Variants in KCNMB4 observed in about 807,000 individuals in gnomAD.
The protein encoded by KCNMB4 is calcium-activated potassium channel subunit beta-4.
Under a neutral mutation model 20.7 loss-of-function variants are expected in KCNMB4, and 3 were observed. The observed-to-expected ratio is 0.14, with a 90% CI of 0.07 to 0.37. KCNMB4 has a LOEUF of 0.37. Among genes scored for constraint, KCNMB4 ranks in the 10% least tolerant of loss-of-function variants. The pLI is 1.00. For synonymous variants in KCNMB4, 110 were observed against 113.4 expected (o/e 0.97, Z 0.19); for missense variants, 168 against 265.9 (o/e 0.63, Z 2.56).
In KCNMB4 at chr12:70,431,535, AAAC is replaced by A. The variant is rs944541414; in HGVS notation, c.*888_*890del. On this transcript the variant is annotated 3_prime_UTR_variant, in exon 3 of 3. Transcript: ENST00000258111. ...TTTTTTTTTTTTGTAGGTCAGAAAA[AAAC>A]AACAAAATCAGTTCAAGCATTTTTT... 6 of 151,824 alleles carry A rather than the reference AAAC, an allele frequency of 4.0e-5. No individual in the cohort carries two copies. The highest frequency in any genetic ancestry group is 1.2e-4 in the African/African-American group (5 of 41,326). 9.4% of individuals were successfully genotyped at this position (151,824 alleles called of 1,614,324 possible).
At chr12:70,413,780 C>T (rs917016081) in intron 2 of KCNMB4, among the ~76,000 whole-genome samples, 2 of 152,178 alleles carry the variant, frequency 1.3e-5, no homozygotes, top group Admixed American at 6.5e-5. Context: ...GAAACCCACT[C>T]CATTTTTAAA....
At chr12:70,385,152 T>TTTGTCACA (rs1386872854) in intron 1 of KCNMB4, among the ~76,000 whole-genome samples, 1 of 152,200 alleles carries the variant, frequency 6.6e-6, no homozygotes, top group Admixed American at 6.5e-5. Flanking sequence ...GTTTAGGGAC[T>TTTGTCACA]TTGTCACAAA....
intron 1 of KCNMB4, among the ~76,000 whole-genome samples, chr12:70,368,606 TAAATC>T (rs892904763): frequency 3.3e-5 from 5 of 152,206 alleles, no homozygotes; most frequent in Non-Finnish European, 5.9e-5. Flanking sequence ...TTTTTAGAAT[TAAATC>T]AATAATGTCA....
chr12:70,402,670 A>AT (rs1270714958), intron 2 of KCNMB4, among the ~76,000 whole-genome samples: 4 of 151,358 alleles, frequency 2.6e-5, no homozygotes, highest in African/African-American at 4.9e-5. Context: ...AAAAAAAAAA[A>AT]AAAAAGGAAG....
At chr12:70,421,469 A>T (rs1869051805) in intron 2 of KCNMB4, among the ~76,000 whole-genome samples, 1 of 97,192 alleles carries the variant, frequency 1.0e-5, no homozygotes, top group African/African-American at 4.2e-5. Context: ...GTCTCAAAAA[A>T]GAAAAAAAAA....
chr12:70,430,678 A>G lies in KCNMB4; in HGVS notation c.*25A>G, dbSNP rs770214880. Reference sequence around the variant, plus strand: ...AAGGGGAAGGAGGCTTGTAGAAAGCAAAGTACAGAAGCTGTACTCATCGGC... The same window carrying G: ...AAGGGGAAGGAGGCTTGTAGAAAGCGAAGTACAGAAGCTGTACTCATCGGC... On this transcript the variant is annotated 3_prime_UTR_variant, in exon 3 of 3. Coordinates refer to ENST00000258111, the MANE Select transcript of KCNMB4 (RefSeq NM_014505.6). 4 of 1,592,512 alleles carry G rather than the reference A, an allele frequency of 2.5e-6. No individual in the cohort carries two copies. Among genetic ancestry groups the G allele is most frequent in the East Asian group, 4.5e-5 (2 of 44,566 alleles).
At chr12:70,427,921 C>T (rs1267263417) in intron 2 of KCNMB4, among the ~76,000 whole-genome samples, 2 of 152,152 alleles carry the variant, frequency 1.3e-5, no homozygotes, top group African/African-American at 4.8e-5. Flanking sequence ...GTTGCAAAAA[C>T]ATATTACTTA....
At chr12:70,387,629 T>C (rs931583569) in intron 1 of KCNMB4, among the ~76,000 whole-genome samples, 1 of 152,106 alleles carries the variant, frequency 6.6e-6, no homozygotes, top group African/African-American at 2.4e-5. Context: ...GTCAAACTCC[T>C]GACCTCAAGT....
chr12:70,392,742 A>C (rs1170763682), intron 1 of KCNMB4, among the ~76,000 whole-genome samples: 1 of 152,160 alleles, frequency 6.6e-6, no homozygotes, highest in African/African-American at 2.4e-5. Context: ...ACAGAAAACC[A>C]AACACTGCAT....
chr12:70,382,933 A>G (rs1198884788), intron 1 of KCNMB4, among the ~76,000 whole-genome samples: 1 of 152,264 alleles, frequency 6.6e-6, no homozygotes, highest in African/African-American at 2.4e-5. Flanking sequence ...ATAGCCTACT[A>G]CACACCCAGG....
chr12:70,398,394 G>C (rs541372195), intron 1 of KCNMB4, among the ~76,000 whole-genome samples: 4 of 152,280 alleles, frequency 2.6e-5, no homozygotes, highest in African/African-American at 7.2e-5. Context: ...CAATAGGACT[G>C]GAGCCCTATC....
chr12:70,395,511 G>T (rs975488210), intron 1 of KCNMB4, among the ~76,000 whole-genome samples: 1 of 151,992 alleles, frequency 6.6e-6, no homozygotes, highest in Non-Finnish European at 1.5e-5. Context: ...TCCCATTGTG[G>T]TTGGCAGAAA....
At chr12:70,401,740 G>T (rs7133295) in intron 2 of KCNMB4, among the ~76,000 whole-genome samples, 23,873 of 150,890 alleles carry the variant, frequency 0.16, 2,216 homozygotes, top group East Asian at 0.34. Context: ...TCCCTCACAT[G>T]CCCAGCAGTC....
intron 2 of KCNMB4, among the ~76,000 whole-genome samples, chr12:70,420,855 G>A (rs1041974962): frequency 6.6e-6 from 1 of 151,984 alleles, no homozygotes; most frequent in Non-Finnish European, 1.5e-5. Context: ...TCAAGAGATC[G>A]AGACCATCCT....
chr12:70,400,148 A>C (rs1052191996), intron 1 of KCNMB4, 61 bp from the exon 2 acceptor site: 5 of 1,305,606 alleles, frequency 3.8e-6, no homozygotes, highest in Non-Finnish European at 5.1e-6. Context: ...TCTATAAAAA[A>C]AGACTGTATC....
chr12:70,427,465 G>A (rs370533506), intron 2 of KCNMB4, among the ~76,000 whole-genome samples: 1 of 152,126 alleles, frequency 6.6e-6, no homozygotes, highest in Non-Finnish European at 1.5e-5. Flanking sequence ...AAGTGGAAAC[G>A]GACATGAATT....
chr12:70,378,059 C>T (rs11534899), intron 1 of KCNMB4, among the ~76,000 whole-genome samples: 11,059 of 151,670 alleles, frequency 0.073, 634 homozygotes, highest in East Asian at 0.27. Flanking sequence ...AAGTGACTCT[C>T]CTGCGTCAGC....
chr12:70,372,668 A>C (rs1354202847), intron 1 of KCNMB4, among the ~76,000 whole-genome samples: 1 of 152,220 alleles, frequency 6.6e-6, no homozygotes, highest in African/African-American at 2.4e-5. Context: ...TCAAGGGTTC[A>C]GTTTTGCATA....
chr12:70,367,335 C>T (rs1486291503), intron 1 of KCNMB4, among the ~76,000 whole-genome samples: 1 of 152,094 alleles, frequency 6.6e-6, no homozygotes, highest in East Asian at 1.9e-4. Context: ...TTTGAGGCCT[C>T]GACCCAGTCC....
Sources: allele counts gnomAD v4.1 joint callset (sites outside exome capture counted in the v4.1 genomes callset), GRCh38; gene constraint gnomAD v4.1.1; transcripts MANE v1.5; gene names NCBI Gene and HGNC (gene_info 2026-07-23, HGNC 2026-07-21).